PLCB2: variants seen among roughly 807,000 people sequenced by gnomAD.
The protein encoded by PLCB2 is phospholipase C beta 2.
Under a neutral mutation model 141.7 loss-of-function variants are expected in PLCB2, and 115 were observed. That is an observed-to-expected ratio of 0.81 (90% confidence interval 0.70 to 0.95). PLCB2 has a LOEUF of 0.95. Ranked by LOEUF, PLCB2 falls within the 40% of genes least tolerant of loss-of-function variation. The probability of loss-of-function intolerance (pLI) is 0.00; values close to 1 mark genes in which losing one functional copy is unlikely to be tolerated. For missense variants in PLCB2, 1,403 were observed against 1,541.1 expected, an observed-to-expected ratio of 0.91 and a Z score of 1.50; for synonymous variants, 603 against 595.6, an observed-to-expected ratio of 1.01 and a Z score of -0.18.
rs779878465 is a variant in PLCB2, at chr15:40,292,388, C to T, written c.2382G>A (p.Ala794=). Residue 794 remains alanine (A), a synonymous_variant, in exon 22 of 32, where the codon GCG becomes GCA. Coordinates refer to ENST00000260402, the MANE Select transcript of PLCB2 (RefSeq NM_004573.3). ...SESNMPLTMP[A]LFIFLEMKDY... Reference sequence around the variant, plus strand: ...CCTTCATCTCCAGGAAGATGAAGAGCGCAGGCATGGTGAGGGGCATGTTGC... The same window carrying T: ...CCTTCATCTCCAGGAAGATGAAGAGTGCAGGCATGGTGAGGGGCATGTTGC... 8.7e-6 allele frequency: 14 copies of T among 1,613,762 alleles called. No homozygotes were observed. Among genetic ancestry groups the T allele is most frequent in the East Asian group, 4.5e-5 (2 of 44,882 alleles).
intron 1 of PLCB2, 28 bp downstream of exon 1, chr15:40,307,561 C>T: frequency 6.9e-7 from 1 of 1,445,814 alleles, no homozygotes; most frequent in East Asian, 2.4e-5. Context: ...CCTGGTGCTC[C>T]AGCAGCTGAG....
At position 40,290,894 on chromosome 15, in the gene PLCB2, G is replaced by A. The variant is rs2039860867; in HGVS notation, c.3037-57C>T. On this transcript the variant is annotated intron_variant, in intron 27 of 31. Coordinates refer to ENST00000260402, the MANE Select transcript of PLCB2 (RefSeq NM_004573.3). Reference sequence around the variant, plus strand: ...GCCCTTTGTTGTTCAGAGGGAGTACGGGGGGCGGGGGTCGGTGGAGGGGAG... The same window carrying A: ...GCCCTTTGTTGTTCAGAGGGAGTACAGGGGGCGGGGGTCGGTGGAGGGGAG... The A allele has an allele frequency of 4.4e-6, 6 of 1,370,578 alleles. No individual in the cohort carries two copies. The Admixed American group carries it at 7.8e-5, about 18-fold the overall frequency. 84.9% of individuals were successfully genotyped at this position (1,370,578 alleles called of 1,614,324 possible). A position where few individuals can be genotyped will look rare whatever the true frequency, so the allele number is the denominator to read the frequency against.
rs1264563556 is a variant in PLCB2, at chr15:40,289,968, A to AGAGAGAGAGAGAGTGT, written c.3267+56_3267+57insACACTCTCTCTCTCTC. 7.7e-6 allele frequency: 4 copies of AGAGAGAGAGAGAGTGT among 518,594 alleles called. No homozygotes were observed. The African/African-American group carries it at 1.0e-4, about 13-fold the overall frequency. 32.1% of individuals were successfully genotyped at this position (518,594 alleles called of 1,614,324 possible). A position where few individuals can be genotyped will look rare whatever the true frequency, so the allele number is the denominator to read the frequency against. On this transcript the variant is annotated intron_variant, in intron 30 of 31. Transcript: ENST00000260402. ...GAGAGAGAGAGAGAGAGAGAGAGAG[A>AGAGAGAGAGAGAGTGT]GTGTGTGTGTGTGTGTGTGTGTGTG...
intron 7 of PLCB2, chr15:40,300,906 T>A (rs549319812): frequency 6.6e-6 from 1 of 152,342 alleles, no homozygotes; most frequent in African/African-American, 2.4e-5. Context: ...TCTCTGGAGC[T>A]TCAGCTCCAA....
chr15:40,291,333 G>A lies in PLCB2; in HGVS notation c.2802C>T (p.Leu934=), dbSNP rs747922734. 5.9e-6 allele frequency: 9 copies of A among 1,531,108 alleles called. No homozygotes were observed. Among genetic ancestry groups the A allele is most frequent in the Admixed American group, 2.0e-5 (1 of 50,774 alleles). 94.8% of individuals were successfully genotyped at this position (1,531,108 alleles called of 1,614,324 possible). A position where few individuals can be genotyped will look rare whatever the true frequency, so the allele number is the denominator to read the frequency against. The change falls in exon 26 of 32, where the codon CTC becomes CTT. Residue 934 remains leucine (L), a synonymous_variant. Coordinates refer to ENST00000260402, the MANE Select transcript of PLCB2 (RefSeq NM_004573.3). The part of the protein sequence containing the change: ...LQRGAAQLAE[L]GPPGVGGVGA... ...CGACGCCCCCCACGCCCGGTGGCCC[G>A]AGCTCCGCCAGCTGCGCCGCGCCCC... is the stretch of plus-strand genomic sequence containing the variant.
intron 7 of PLCB2, among the ~76,000 whole-genome samples, chr15:40,299,634 A>C (rs2040410646): frequency 6.6e-6 from 1 of 152,230 alleles, no homozygotes; most frequent in Admixed American, 6.5e-5. Context: ...TAATATATAA[A>C]ACAAAAACTG....
At position 40,298,150 on chromosome 15, in the gene PLCB2, A is replaced by G. The variant is rs369972611; in HGVS notation, c.1155+73T>C. 5.5e-5 allele frequency: 80 copies of G among 1,465,814 alleles called. No homozygotes were observed. The East Asian group carries it at 1.8e-3, about 32-fold the overall frequency. 90.8% of individuals were successfully genotyped at this position (1,465,814 alleles called of 1,614,324 possible). A position where few individuals can be genotyped will look rare whatever the true frequency, so the allele number is the denominator to read the frequency against. The stretch of plus-strand genomic sequence containing the variant: ...TCATCTTCTCTAGCTTCAGCCCTCC[A>G]ACCCCTCAAAGCTTCTGGCCCAGAG... On this transcript the variant is annotated intron_variant, in intron 11 of 31. Coordinates refer to ENST00000260402, the MANE Select transcript of PLCB2 (RefSeq NM_004573.3).
Position 40,290,797 on chromosome 15 carries a change from GCCTGTTTCTCT to G in PLCB2, c.3066_3076del (p.Arg1022SerfsTer51). Reference sequence around the variant, plus strand: ...CTCCTTCAGGGCCTTCAGCTCTGCCGCCTGTTTCTCTCTGGCCAGCTCCATCATTTTGGAGA... The same window carrying G: ...CTCCTTCAGGGCCTTCAGCTCTGCCGCTGGCCAGCTCCATCATTTTGGAGA... On this transcript the variant is annotated frameshift_variant, in exon 28 of 32. Transcript: ENST00000260402. LOFTEE classifies it high-confidence loss of function. The G allele has an allele frequency of 6.2e-7, 1 of 1,613,642 alleles. No individual in the cohort carries two copies. The highest frequency in any genetic ancestry group is 8.5e-7 in the Non-Finnish European group (1 of 1,179,922).
rs1253636768 is a variant in PLCB2, at chr15:40,293,631, G to A, written c.2155C>T (p.Arg719Ter). ...GLPGDPKRRY[R>*]TKLSPSTNSI... ...TTAGTACTGGGTGACAGCTTAGTTC[G>A]ATAGCGCCTCTTGGGGTCCCCAGGA... is the stretch of plus-strand genomic sequence containing the variant. Residue 719 changes from arginine (R) to a stop codon, truncating the protein, a stop_gained, in exon 20 of 32, where the codon CGA (arginine) becomes TGA (stop). Transcript: ENST00000260402. LOFTEE classifies it high-confidence loss of function. 22 of 1,613,996 alleles carry A rather than the reference G, an allele frequency of 1.4e-5. No individual in the cohort carries two copies. The highest frequency in any genetic ancestry group is 1.8e-5 in the Non-Finnish European group (21 of 1,180,004).
In PLCB2 at chr15:40,297,982, G is replaced by T. The variant is rs1488279159; in HGVS notation, c.1156-23C>A. ...TTCCTGGAGGAGAAGGAGACTCCATGAACAGAAGGTCAGCGTTCCGACTGC... is the reference window on the plus strand; with the variant it reads ...TTCCTGGAGGAGAAGGAGACTCCATTAACAGAAGGTCAGCGTTCCGACTGC... On this transcript the variant is annotated intron_variant, in intron 11 of 31. Transcript: ENST00000260402. This position sits in a 1 kb window ranked among gnomAD's most constrained non-coding sequence, Gnocchi z 4.2. 7.1e-6 allele frequency: 11 copies of T among 1,545,198 alleles called. No homozygotes were observed. The highest frequency in any genetic ancestry group is 8.0e-6 in the Non-Finnish European group (9 of 1,119,196).
chr15:40,284,515 G>T, downstream of PLCB2: 1 of 455,720 alleles, frequency 2.2e-6, no homozygotes, highest in Non-Finnish European at 4.4e-6. Flanking sequence ...AGGCCTTCAA[G>T]GATGTGCGGG....
chr15:40,291,671 G>T (rs750258969), intron 24 of PLCB2, 21 bp from the exon 25 acceptor site: 3 of 1,611,590 alleles, frequency 1.9e-6, no homozygotes, highest in South Asian at 2.2e-5. Context: ...CACGGGCTGG[G>T]CTGTCAGGTG....
At position 40,307,738 on chromosome 15, in the gene PLCB2, C is replaced by T; in HGVS notation, c.-66G>A. ...GGCAGGCAGAAGGGCAGGAAGGAGG[C>T]CAGCCAGGAGGGGGAGCCAAGCTGG... On this transcript the variant is annotated 5_prime_UTR_variant, in exon 1 of 32. Coordinates refer to ENST00000260402, the MANE Select transcript of PLCB2 (RefSeq NM_004573.3). 7.1e-7 allele frequency: 1 copy of T among 1,403,204 alleles called. No individual in the cohort carries two copies. The highest frequency in any genetic ancestry group is 9.7e-7 in the Non-Finnish European group (1 of 1,035,238). The allele number at this position is 1,403,204 out of a possible 1,614,324, so 86.9% of individuals were successfully genotyped here.
intron 7 of PLCB2, chr15:40,301,711 C>T (rs556549808): frequency 2.4e-5 from 17 of 704,270 alleles, no homozygotes; most frequent in South Asian, 1.6e-4. Context: ...ACAGCCCCAG[C>T]GCCCCCACCA....
chr15:40,298,099 C>T (rs2040324719), intron 11 of PLCB2, 124 bp downstream of exon 11: 1 of 1,236,168 alleles, frequency 8.1e-7, no homozygotes, highest in Admixed American at 2.3e-5. Flanking sequence ...CTGCTGGTCC[C>T]CAATGGTCTG....
rs1048897495 is a variant in PLCB2, at chr15:40,301,969, G to T, written c.570C>A (p.Leu190=). Residue 190 remains leucine, a synonymous_variant, in exon 7 of 32, where the codon CTC becomes CTA. Transcript: ENST00000260402. ...CAGATCCACTCACTTTGCCTTTGGG[G>T]AGGTGGCAGGCACTGAGAGCAGCTT... The part of the protein sequence containing the change: ...RVEAALSACH[L]PKGKNDAINP... The T allele has an allele frequency of 2.5e-6, 4 of 1,613,808 alleles. No homozygotes were observed. In the African/African-American group the frequency reaches 5.3e-5, roughly 22 times the overall value.
At chr15:40,290,221 A>G in intron 29 of PLCB2, 139 bp from the exon 30 acceptor site, 1 of 679,460 alleles carries the variant, frequency 1.5e-6, no homozygotes, top group Non-Finnish European at 2.7e-6. Context: ...TGGGGACCCA[A>G]GGAGTATGTA....
chr15:40,302,251 C>T lies in PLCB2; in HGVS notation c.452+19G>A. The T allele has an allele frequency of 6.2e-7, 1 of 1,614,090 alleles. No individual in the cohort carries two copies. The highest frequency in any genetic ancestry group is 8.5e-7 in the Non-Finnish European group (1 of 1,179,956). On this transcript the variant is annotated intron_variant, in intron 5 of 31. Coordinates refer to ENST00000260402, the MANE Select transcript of PLCB2 (RefSeq NM_004573.3). The stretch of plus-strand genomic sequence containing the variant: ...GGCATGCTCAGCACCAGGGCTCAGG[C>T]CAGGCAGAGGGCACTTACATCTTGT...
downstream of PLCB2, chr15:40,287,792 C>A (rs932509938): frequency 1.6e-5 from 5 of 303,992 alleles, no homozygotes; most frequent in Non-Finnish European, 2.4e-5. Context: ...AAGGACCTCA[C>A]CCTGGGTTCA....
Sources: allele counts gnomAD v4.1 joint callset (sites outside exome capture counted in the v4.1 genomes callset), GRCh38; gene constraint gnomAD v4.1.1; non-coding constraint Gnocchi (gnomAD v3.1); transcripts MANE v1.5; gene names NCBI Gene and HGNC (gene_info 2026-07-23, HGNC 2026-07-21).